The following NCOA7 variants were observed in gnomAD, a reference collection of about 807,000 sequenced individuals.
NCOA7 encodes the protein nuclear receptor coactivator 7.
A neutral mutation model predicts 104.3 loss-of-function variants in NCOA7; 45 were observed. The observed-to-expected ratio is 0.43, with a 90% CI of 0.34 to 0.55. The LOEUF is 0.55. Among genes scored for constraint, NCOA7 ranks in the 20% least tolerant of loss-of-function variants. The pLI is 0.02. For synonymous variants in NCOA7, 398 were observed against 402.3 expected (o/e 0.99, Z 0.13); for missense variants, 1,041 against 1,119.7 (o/e 0.93, Z 1.00).
In NCOA7 at chr6:125,928,206, T is replaced by C. The variant is rs1488627123; in HGVS notation, c.2652T>C (p.Phe884=). ...AGTGGAGTGGAGAAAATTCATACTT[T>C]ATCAATGGAGACATAAGTTCTTTAG... ...VFKWSGENSY[F]INGDISSLEL... is the part of the protein sequence containing the mutation. The change falls in exon 15 of 16, where the codon TTT becomes TTC. Residue 884 remains phenylalanine (F), a synonymous_variant. Coordinates refer to ENST00000392477, the MANE Select transcript of NCOA7 (RefSeq NM_181782.5). The C allele has an allele frequency of 6.2e-7, 1 of 1,612,970 alleles. No homozygotes were observed. The highest frequency in any genetic ancestry group is 8.5e-7 in the Non-Finnish European group (1 of 1,179,830).
intron 1 of NCOA7, chr6:125,798,112 A>G (rs888220352): frequency 1.3e-5 from 2 of 152,136 alleles, no homozygotes; most frequent in African/African-American, 4.8e-5. Context: ...TTCAATGGAG[A>G]GCAGTTTGCC....
chr6:125,822,704 G>A (rs148596130), intron 2 of NCOA7, among the ~76,000 whole-genome samples: 43 of 152,258 alleles, frequency 2.8e-4, no homozygotes, highest in African/African-American at 9.6e-4. Context: ...GGAGGCTGAG[G>A]CAAGCAGATC....
intron 10 of NCOA7, among the ~76,000 whole-genome samples, chr6:125,905,113 G>A (rs1230978025): frequency 1.3e-5 from 2 of 152,190 alleles, no homozygotes; most frequent in East Asian, 1.9e-4. Context: ...AGACCACAGC[G>A]TGAGTCACAG....
chr6:125,791,735 G>A lies in NCOA7; in HGVS notation c.-65+668G>A, dbSNP rs984314260. On this transcript the variant is annotated intron_variant, in intron 1 of 15. Coordinates refer to ENST00000392477, the MANE Select transcript of NCOA7 (RefSeq NM_181782.5). ...GAGTGGCAACTTTGATACAGGTGTC[G>A]GGAGTTGAGATTCTGCTGGAAAGAT... is the stretch of plus-strand genomic sequence containing the variant. 3.9e-5 allele frequency among the ~76,000 whole-genome samples: 6 copies of A among 152,242 alleles called. 1 individual carries two copies. The highest frequency in any genetic ancestry group is 6.8e-3 in the Middle Eastern group (2 of 294).
chr6:125,882,182 A>G (rs922856122), intron 6 of NCOA7, among the ~76,000 whole-genome samples: 2 of 152,096 alleles, frequency 1.3e-5, no homozygotes, highest in African/African-American at 4.8e-5. Flanking sequence ...AAGACATTTC[A>G]TGAGTAAGTT....
rs748662226 is a variant in NCOA7 at position 125,888,981 on chromosome 6, A to AT, written c.928dup (p.Trp310LeufsTer15). On this transcript the variant is annotated frameshift_variant, in exon 9 of 16. Transcript: ENST00000392477. LOFTEE classifies it high-confidence loss of function. ...TTTGTCCTCTGTACAGGCCTGGAGA[A>AT]TGGGAAGACCTGGCTTCAGAAAAGG... 6.2e-7 allele frequency: 1 copy of AT among 1,609,792 alleles called. No individual in the cohort carries two copies.
chr6:125,856,679 A>G (rs1781590481), intron 3 of NCOA7, among the ~76,000 whole-genome samples: 1 of 151,624 alleles, frequency 6.6e-6, no homozygotes, highest in African/African-American at 2.4e-5. Context: ...GTAACCTTCC[A>G]ACAGTGTTGG....
At chr6:125,842,354 GACTA>G (rs1780249059) in intron 2 of NCOA7, among the ~76,000 whole-genome samples, 1 of 151,794 alleles carries the variant, frequency 6.6e-6, no homozygotes, top group East Asian at 1.9e-4. Context: ...CTTTGTGTTT[GACTA>G]AAATGTCTTC....
At chr6:125,783,142 T>G (rs911956852) in intron 1 of NCOA7, among the ~76,000 whole-genome samples, 1 of 152,198 alleles carries the variant, frequency 6.6e-6, no homozygotes, top group Non-Finnish European at 1.5e-5. Context: ...AGACTTACGT[T>G]GTACTTCTGA....
intron 1 of NCOA7, among the ~76,000 whole-genome samples, chr6:125,805,118 C>CA (rs1466162424): frequency 1.3e-5 from 1 of 76,314 alleles, no homozygotes; most frequent in Non-Finnish European, 2.3e-5. Flanking sequence ...TTTTTTTTGA[C>CA]AGAGTCTCGC....
chr6:125,908,358 G>A (rs1202380862), intron 10 of NCOA7, among the ~76,000 whole-genome samples: 1 of 152,144 alleles, frequency 6.6e-6, no homozygotes, highest in East Asian at 1.9e-4. Context: ...CTTGATCTAA[G>A]TTTCAGAATC....
intron 1 of NCOA7, among the ~76,000 whole-genome samples, chr6:125,807,403 T>C (rs1776562448): frequency 6.6e-6 from 1 of 152,180 alleles, no homozygotes. Context: ...TTATAATCTG[T>C]TTATTCTGGG....
chr6:125,891,012 G>A (rs1784583549), intron 10 of NCOA7, among the ~76,000 whole-genome samples: 1 of 152,144 alleles, frequency 6.6e-6, no homozygotes, highest in Non-Finnish European at 1.5e-5. Context: ...AGTCATCATA[G>A]GTACTATGTC....
chr6:125,790,637 C>G (rs1774739730), upstream of NCOA7: 1 of 151,930 alleles, frequency 6.6e-6, no homozygotes, highest in Non-Finnish European at 1.5e-5. Flanking sequence ...GCTCCCAGGC[C>G]CCCGCAACCG....
chr6:125,901,154 C>T (rs1350196622), intron 10 of NCOA7, among the ~76,000 whole-genome samples: 6 of 152,198 alleles, frequency 3.9e-5, no homozygotes, highest in Admixed American at 3.9e-4. Flanking sequence ...TTCTTCTTTC[C>T]TTTCTTTACA....
chr6:125,919,249 G>C lies in NCOA7; in HGVS notation c.2245-1694G>C, dbSNP rs959564155. ...AATCATGCAGGAAACTAGATACTGAGAAAACAGTTGTAGCTCAGCGTGGCT... is the reference window on the plus strand; with the variant it reads ...AATCATGCAGGAAACTAGATACTGACAAAACAGTTGTAGCTCAGCGTGGCT... On this transcript the variant is annotated intron_variant, in intron 11 of 15. Coordinates refer to ENST00000392477, the MANE Select transcript of NCOA7 (RefSeq NM_181782.5). 1.9e-6 allele frequency: 3 copies of C among 1,606,188 alleles called. No individual in the cohort carries two copies. The African/African-American group carries it at 4.0e-5, about 22-fold the overall frequency.
At chr6:125,912,356 TTCTC>T (rs753352730) in intron 10 of NCOA7, among the ~76,000 whole-genome samples, 66 of 147,952 alleles carry the variant, frequency 4.5e-4, no homozygotes, top group Admixed American at 1.7e-3. Context: ...GGAATTCCCT[TTCTC>T]TCCATATTGC....
intron 2 of NCOA7, among the ~76,000 whole-genome samples, chr6:125,820,685 C>T (rs986586716): frequency 2.0e-5 from 3 of 152,196 alleles, no homozygotes; most frequent in Non-Finnish European, 4.4e-5. Context: ...CATTCCTGAT[C>T]TTACTTCTGT....
intron 3 of NCOA7, among the ~76,000 whole-genome samples, chr6:125,871,272 C>T (rs927678010): frequency 1.4e-5 from 2 of 146,338 alleles, no homozygotes; most frequent in South Asian, 2.1e-4. Context: ...ACCTAAAACA[C>T]TAGGGTTGGA....
Sources: gnomAD v4.1 joint callset for allele counts (sites outside exome capture counted in the v4.1 genomes callset) on GRCh38, gnomAD v4.1.1 for gene constraint, MANE v1.5 for transcripts, NCBI Gene and HGNC (gene_info 2026-07-23, HGNC 2026-07-21) for gene names.